CMTM8: variants seen among roughly 807,000 people sequenced by gnomAD.
CMTM8 encodes CKLF like MARVEL transmembrane domain containing 8, also known as CKLF-like MARVEL transmembrane domain-containing protein 8.
CMTM8 carries 12 observed loss-of-function variants against 18.6 expected under a neutral mutation model. The observed-to-expected ratio is 0.65, with a 90% confidence interval of 0.41 to 1.05. The LOEUF is 1.05. Among genes scored for constraint, CMTM8 ranks in the 50% least tolerant of loss-of-function variants. The pLI, the probability that CMTM8 is intolerant of heterozygous loss-of-function variation, is 0.00. For missense variants in CMTM8, 217 were observed against 227.2 expected (o/e 0.95, Z 0.29); for synonymous variants, 87 against 90.6 (o/e 0.96, Z 0.23).
chr3:32,266,759 C>T (rs1262706251), intron 1 of CMTM8, among the ~76,000 whole-genome samples: 2 of 152,200 alleles, frequency 1.3e-5, no homozygotes, highest in Non-Finnish European at 2.9e-5. Flanking sequence ...AGCAAAGTCT[C>T]AGGATACAAA....
chr3:32,344,124 C>G (rs1190122103), intron 1 of CMTM8, among the ~76,000 whole-genome samples: 3 of 152,198 alleles, frequency 2.0e-5, no homozygotes, highest in Non-Finnish European at 4.4e-5. Flanking sequence ...CACATAATAG[C>G]AAATCTGCAG....
At chr3:32,317,176 A>T (rs1220632326) in intron 1 of CMTM8, among the ~76,000 whole-genome samples, 1 of 152,182 alleles carries the variant, frequency 6.6e-6, no homozygotes, top group African/African-American at 2.4e-5. Flanking sequence ...AGTTGGTCGT[A>T]GGATTGACCT....
chr3:32,263,357 C>T (rs999960401), intron 1 of CMTM8, among the ~76,000 whole-genome samples: 4 of 152,188 alleles, frequency 2.6e-5, no homozygotes, highest in Admixed American at 1.3e-4. Flanking sequence ...AGTGGACCTC[C>T]GGCAAACTCC....
intron 1 of CMTM8, among the ~76,000 whole-genome samples, chr3:32,277,029 C>T (rs1702531741): frequency 1.3e-5 from 2 of 151,680 alleles, no homozygotes; most frequent in South Asian, 4.2e-4. Context: ...GGACTACAGG[C>T]ACATCCCACC....
At chr3:32,244,908 C>T (rs1426601255) in intron 1 of CMTM8, among the ~76,000 whole-genome samples, 2 of 152,160 alleles carry the variant, frequency 1.3e-5, no homozygotes, top group Non-Finnish European at 2.9e-5. Flanking sequence ...CAAAGTTCTA[C>T]TGGTTGAAAC....
intron 1 of CMTM8, among the ~76,000 whole-genome samples, chr3:32,340,540 T>C (rs1420164158): frequency 6.6e-6 from 1 of 152,232 alleles, no homozygotes; most frequent in Non-Finnish European, 1.5e-5. Flanking sequence ...AGTACACATA[T>C]ATGTGCATGT....
chr3:32,366,023 A>G (rs1371373480), intron 2 of CMTM8, among the ~76,000 whole-genome samples: 1 of 151,508 alleles, frequency 6.6e-6, no homozygotes, highest in Non-Finnish European at 1.5e-5. Context: ...CTTTTCTTTC[A>G]TCTCTCCACT....
chr3:32,314,852 G>C (rs887943822), intron 1 of CMTM8, among the ~76,000 whole-genome samples: 4 of 133,344 alleles, frequency 3.0e-5, no homozygotes, highest in African/African-American at 1.0e-4. Flanking sequence ...GCTCAGGGTT[G>C]GGTGGCGGGG....
At chr3:32,260,394 A>G (rs1003310969) in intron 1 of CMTM8, among the ~76,000 whole-genome samples, 2 of 152,236 alleles carry the variant, frequency 1.3e-5, no homozygotes, top group South Asian at 4.1e-4. Flanking sequence ...TAACTTTAAT[A>G]TTGAAATGCA....
chr3:32,251,864 C>T (rs1033222214), intron 1 of CMTM8, among the ~76,000 whole-genome samples: 5 of 151,194 alleles, frequency 3.3e-5, no homozygotes, highest in South Asian at 2.1e-4. Context: ...CTGAGGCAGG[C>T]GGATGGCTTG....
chr3:32,365,960 G>A (rs1429627999), intron 2 of CMTM8, among the ~76,000 whole-genome samples: 1 of 152,070 alleles, frequency 6.6e-6, no homozygotes, highest in Admixed American at 6.6e-5. Flanking sequence ...CATTTCTGTA[G>A]CCCAGATTTC....
intron 1 of CMTM8, among the ~76,000 whole-genome samples, chr3:32,310,069 G>C (rs1695790744): frequency 6.6e-6 from 1 of 152,200 alleles, no homozygotes; most frequent in South Asian, 2.1e-4. Flanking sequence ...ATGAGACTAA[G>C]TGAACACAGG....
At chr3:32,300,050 C>A (rs891864973) in intron 1 of CMTM8, among the ~76,000 whole-genome samples, 1 of 152,242 alleles carries the variant, frequency 6.6e-6, no homozygotes, top group African/African-American at 2.4e-5. Context: ...AAAAGCATAA[C>A]ACATTTCTTT....
At chr3:32,268,154 T>C (rs558317267) in intron 1 of CMTM8, among the ~76,000 whole-genome samples, 25 of 152,328 alleles carry the variant, frequency 1.6e-4, no homozygotes, top group African/African-American at 5.5e-4. Context: ...CGTATGTTTA[T>C]TGCAGCACTA....
intron 1 of CMTM8, among the ~76,000 whole-genome samples, chr3:32,255,397 A>T (rs931035533): frequency 2.6e-5 from 4 of 152,164 alleles, no homozygotes; most frequent in African/African-American, 9.7e-5. Flanking sequence ...ACTACTTTTT[A>T]AAAAATGATT....
At chr3:32,289,605 G>A (rs1422667574) in intron 1 of CMTM8, among the ~76,000 whole-genome samples, 2 of 152,206 alleles carry the variant, frequency 1.3e-5, no homozygotes, top group Non-Finnish European at 2.9e-5. Flanking sequence ...TATTAGCAGT[G>A]ATGCCAGTAT....
chr3:32,270,958 T>C (rs575342562), intron 1 of CMTM8, among the ~76,000 whole-genome samples: 10 of 152,254 alleles, frequency 6.6e-5, no homozygotes, highest in African/African-American at 2.4e-4. Flanking sequence ...TCCCCAAAGG[T>C]CACTACTACT....
chr3:32,341,961 T>C (rs921010880), intron 1 of CMTM8, among the ~76,000 whole-genome samples: 1 of 149,908 alleles, frequency 6.7e-6, no homozygotes, highest in African/African-American at 2.5e-5. Flanking sequence ...TAAAACCTAT[T>C]TTAAGGCTGG....
chr3:32,354,482 A>T (rs1471109772), intron 1 of CMTM8, among the ~76,000 whole-genome samples: 2 of 152,202 alleles, frequency 1.3e-5, no homozygotes, highest in East Asian at 3.9e-4. Context: ...TTTGTGTAAA[A>T]GACGACCACA....
Sources: gnomAD v4.1 joint callset for allele counts (sites outside exome capture counted in the v4.1 genomes callset) on GRCh38, gnomAD v4.1.1 for gene constraint, MANE v1.5 for transcripts, NCBI Gene and HGNC (gene_info 2026-07-23, HGNC 2026-07-21) for gene names.